Variants in ALK observed in about 807,000 individuals in gnomAD.
ALK encodes the protein ALK receptor tyrosine kinase.
Under a neutral mutation model 163.1 loss-of-function variants are expected in ALK, and 74 were observed. The ratio of observed to expected loss-of-function variants is 0.45; its 90% confidence interval spans 0.38 to 0.55. The LOEUF is 0.55. Among genes scored for constraint, ALK ranks in the 20% least tolerant of loss-of-function variants. ALK has a pLI of 0.00. For synonymous variants in ALK, 960 were observed against 843.2 expected (o/e 1.14, Z -2.40); for missense variants, 2,063 against 2,105.3 (o/e 0.98, Z 0.39).
At chr2:29,487,286 C>T (rs1056481925) in intron 4 of ALK, among the ~76,000 whole-genome samples, 1 of 152,114 alleles carries the variant, frequency 6.6e-6, no homozygotes, top group Non-Finnish European at 1.5e-5. Context: ...AGCTGGGCTG[C>T]AGAGAGGACA....
rs572355446 is a variant in ALK, at chr2:29,498,746, G to A, written c.1154+33169C>T. Among the ~76,000 whole-genome samples, 21 of 152,336 alleles carry A rather than the reference G, an allele frequency of 1.4e-4. No individual in the cohort carries two copies. The South Asian group carries it at 4.4e-3, about 32-fold the overall frequency. On this transcript the variant is annotated intron_variant, in intron 4 of 28. Coordinates refer to ENST00000389048, the MANE Select transcript of ALK (RefSeq NM_004304.5). Reference sequence around the variant, plus strand: ...GTTTGTGCTCACAGCCGCCCTGATTGAGATAAGTATGTAATGACATTATTA... The same window carrying A: ...GTTTGTGCTCACAGCCGCCCTGATTAAGATAAGTATGTAATGACATTATTA...
chr2:29,665,201 G>A (rs189636848), intron 3 of ALK, among the ~76,000 whole-genome samples: 1 of 151,674 alleles, frequency 6.6e-6, no homozygotes. Context: ...TGACCAGGTT[G>A]ATCTCAAACT....
At chr2:29,660,886 T>C (rs1459693824) in intron 3 of ALK, among the ~76,000 whole-genome samples, 1 of 152,116 alleles carries the variant, frequency 6.6e-6, no homozygotes, top group African/African-American at 2.4e-5. Flanking sequence ...AGTACTGCAT[T>C]AGCCATAAAG....
At chr2:29,281,621 C>T (rs1188943251) in intron 9 of ALK, among the ~76,000 whole-genome samples, 1 of 152,212 alleles carries the variant, frequency 6.6e-6, no homozygotes, top group African/African-American at 2.4e-5. Flanking sequence ...ACAGACTTGG[C>T]TAGAGATCTT....
At chr2:29,248,245 G>A (rs574998205) in intron 12 of ALK, among the ~76,000 whole-genome samples, 1 of 152,266 alleles carries the variant, frequency 6.6e-6, no homozygotes, top group Admixed American at 6.5e-5. Context: ...GGAGGTCAAG[G>A]CAGGAGGATC....
At chr2:29,715,643 T>C (rs1679227725) in intron 2 of ALK, among the ~76,000 whole-genome samples, 2 of 152,218 alleles carry the variant, frequency 1.3e-5, no homozygotes, top group African/African-American at 4.8e-5. Context: ...CCTTGGGGCA[T>C]TCTGCATTTT....
chr2:29,440,444 G>C (rs112199788), intron 4 of ALK, among the ~76,000 whole-genome samples: 2,118 of 151,440 alleles, frequency 0.014, 26 homozygotes, highest in African/African-American at 0.032. Flanking sequence ...AGCCTCCTGA[G>C]TAGCTGGGAT....
chr2:29,779,151 G>A (rs748301486), intron 1 of ALK, among the ~76,000 whole-genome samples: 4 of 151,378 alleles, frequency 2.6e-5, no homozygotes, highest in South Asian at 2.1e-4. Flanking sequence ...GCAAGACGCC[G>A]TCTAAAAAAA....
chr2:29,645,467 T>C (rs923702354), intron 3 of ALK, among the ~76,000 whole-genome samples: 2 of 152,166 alleles, frequency 1.3e-5, no homozygotes, highest in Non-Finnish European at 2.9e-5. Flanking sequence ...AATACTCTCA[T>C]GGTATCATTT....
intron 3 of ALK, 114 bp downstream of exon 3, chr2:29,694,736 G>C: frequency 7.2e-7 from 1 of 1,383,460 alleles, no homozygotes; most frequent in South Asian, 1.2e-5. Flanking sequence ...ATTAAAAGCA[G>C]GTTTCAAAGT....
At chr2:29,429,412 AC>A (rs1225069895) in intron 4 of ALK, among the ~76,000 whole-genome samples, 3 of 152,076 alleles carry the variant, frequency 2.0e-5, no homozygotes, top group Non-Finnish European at 4.4e-5. Flanking sequence ...GTTGCAGTAT[AC>A]CAAAAATCAA....
intron 4 of ALK, among the ~76,000 whole-genome samples, chr2:29,419,722 T>A (rs1489930811): frequency 6.6e-6 from 1 of 151,500 alleles, no homozygotes; most frequent in Non-Finnish European, 1.5e-5. Flanking sequence ...AACAAAATAG[T>A]CCATAGGAAA....
chr2:29,289,022 C>T (rs1283741530), intron 9 of ALK, among the ~76,000 whole-genome samples: 1 of 151,284 alleles, frequency 6.6e-6, no homozygotes, highest in Non-Finnish European at 1.5e-5. Context: ...TGTTTTGAAT[C>T]CTGACTCTTC....
intron 4 of ALK, among the ~76,000 whole-genome samples, chr2:29,522,504 C>T (rs778024298): frequency 1.3e-5 from 2 of 152,280 alleles, no homozygotes; most frequent in Admixed American, 1.3e-4. Context: ...CTCTCCCTGT[C>T]TTTCATGTGT....
At chr2:29,360,982 G>C (rs1668372974) in intron 5 of ALK, among the ~76,000 whole-genome samples, 1 of 152,240 alleles carries the variant, frequency 6.6e-6, no homozygotes, top group Admixed American at 6.5e-5. Context: ...GCTAGATGCA[G>C]AGATGCAGAG....
In ALK at chr2:29,341,241, C is replaced by T. The variant is rs751400152; in HGVS notation, c.1283-12760G>A. Among the ~76,000 whole-genome samples the T allele has an allele frequency of 7.2e-5, 11 of 152,310 alleles. No homozygotes were observed. The South Asian group carries it at 2.3e-3, about 32-fold the overall frequency. ...CATAAAAAGCAAATCATGTAGAAGG[C>T]TCCTTGTAGTGATCATGTCCTTCTC... is the stretch of plus-strand genomic sequence containing the variant. On this transcript the variant is annotated intron_variant, in intron 5 of 28. Transcript: ENST00000389048.
chr2:29,812,141 A>T (rs1247838607), intron 1 of ALK, among the ~76,000 whole-genome samples: 1 of 152,186 alleles, frequency 6.6e-6, no homozygotes, highest in Non-Finnish European at 1.5e-5. Flanking sequence ...ATCCTGGTCC[A>T]TACTCACCCA....
chr2:29,298,874 A>T (rs1207529911), intron 8 of ALK, among the ~76,000 whole-genome samples: 1 of 151,904 alleles, frequency 6.6e-6, no homozygotes, highest in Non-Finnish European at 1.5e-5. Context: ...TCTTTTAGTT[A>T]CTGCCCTCCT....
At chr2:29,917,537 G>A (rs945488471) in intron 1 of ALK, among the ~76,000 whole-genome samples, 3 of 152,212 alleles carry the variant, frequency 2.0e-5, no homozygotes, top group Admixed American at 2.0e-4. Context: ...CACAGAACAT[G>A]GTATAGCAAG....
Sources: gnomAD v4.1 joint callset for allele counts (sites outside exome capture counted in the v4.1 genomes callset) on GRCh38, gnomAD v4.1.1 for gene constraint, MANE v1.5 for transcripts, NCBI Gene and HGNC (gene_info 2026-07-23, HGNC 2026-07-21) for gene names.